The following MTO1 variants were observed in gnomAD, a reference collection of about 807,000 sequenced individuals.
The protein encoded by MTO1 is mitochondrial tRNA translation optimization 1, also known as 5-taurinomethyluridine-[tRNA] synthase subunit MTO1, mitochondrial.
Under a neutral mutation model 71.6 loss-of-function variants are expected in MTO1, and 46 were observed. The ratio of observed to expected loss-of-function variants is 0.64; its 90% CI spans 0.51 to 0.82. MTO1 has a LOEUF of 0.82. Ranked by LOEUF, MTO1 falls within the 40% of genes least tolerant of loss-of-function variation. The pLI, the probability that MTO1 is intolerant of heterozygous loss-of-function variation, is 0.00. For missense variants in MTO1, 773 were observed against 867.5 expected (o/e 0.89, Z 1.37); for synonymous variants, 297 against 312.1 (o/e 0.95, Z 0.51).
intron 10 of MTO1, among the ~76,000 whole-genome samples, chr6:73,494,537 C>T (rs1582699156): frequency 2.1e-5 from 3 of 145,172 alleles, no homozygotes; most frequent in Admixed American, 7.0e-5. Flanking sequence ...ATTCCAGTGG[C>T]GCAATTTTGG....
rs1389559289 is a variant in MTO1 at position 73,482,469 on chromosome 6, G to A, written c.1486G>A (p.Val496Met). ...CCTAGGGTATAAAGACGCTGGCTGTGTGTCCCAACAACGATATGAAAGAGC... is the reference window on the plus strand; with the variant it reads ...CCTAGGGTATAAAGACGCTGGCTGTATGTCCCAACAACGATATGAAAGAGC... ...TLRGYKDAGC[V>M]SQQRYERACW... Residue 496 changes from valine to methionine, a missense_variant, in exon 9 of 12, where the codon GTG becomes ATG. Transcript: ENST00000498286. 8 of 1,612,904 alleles carry A rather than the reference G, an allele frequency of 5.0e-6. No individual in the cohort carries two copies. Among genetic ancestry groups the A allele is most frequent in the Non-Finnish European group, 6.8e-6 (8 of 1,179,740 alleles).
rs1296341419 is a variant in MTO1, at chr6:73,506,103, C to G, written c.*5368C>G. 6.6e-6 allele frequency: 1 copy of G among 152,022 alleles called. No individual in the cohort carries two copies. Among genetic ancestry groups the G allele is most frequent in the East Asian group, 1.9e-4 (1 of 5,190 alleles). 9.4% of individuals were successfully genotyped at this position (152,022 alleles called of 1,614,324 possible). ...AAGTGATTCTCTTGCCTCAGCCTCCCGAGCAGCTGAGACTACAGGCGCGTG... is the reference window on the plus strand; with the variant it reads ...AAGTGATTCTCTTGCCTCAGCCTCCGGAGCAGCTGAGACTACAGGCGCGTG... On this transcript the variant is annotated 3_prime_UTR_variant, in exon 12 of 12. Coordinates refer to ENST00000498286, the MANE Select transcript of MTO1 (RefSeq NM_012123.4).
rs1486667220 is a variant in MTO1, at chr6:73,507,849, C to G, written c.*7114C>G. Reference sequence around the variant, plus strand: ...AAAATTAGCCGGGTGTGGTGGTGCGCGCCTGTAGTCCCAGCTACTCGGGAG... The same window carrying G: ...AAAATTAGCCGGGTGTGGTGGTGCGGGCCTGTAGTCCCAGCTACTCGGGAG... On this transcript the variant is annotated 3_prime_UTR_variant, in exon 12 of 12. Coordinates refer to ENST00000498286, the MANE Select transcript of MTO1 (RefSeq NM_012123.4). The G allele has an allele frequency of 2.6e-5, 4 of 152,024 alleles. No homozygotes were observed. Among genetic ancestry groups the G allele is most frequent in the Admixed American group, 6.6e-5 (1 of 15,244 alleles). 9.4% of individuals were successfully genotyped at this position (152,024 alleles called of 1,614,324 possible).
At chr6:73,485,976 C>G (rs1351755588) in intron 9 of MTO1, among the ~76,000 whole-genome samples, 1 of 152,090 alleles carries the variant, frequency 6.6e-6, no homozygotes, top group Non-Finnish European at 1.5e-5. Flanking sequence ...GTCAGGATTA[C>G]AGAGAAATGT....
chr6:73,488,633 G>C (rs549819470), intron 9 of MTO1, among the ~76,000 whole-genome samples: 2 of 152,056 alleles, frequency 1.3e-5, no homozygotes. Flanking sequence ...ATGTAGGCTG[G>C]GCATGGTAGC....
chr6:73,472,729 G>T (rs73450675), intron 3 of MTO1, among the ~76,000 whole-genome samples: 4 of 152,042 alleles, frequency 2.6e-5, no homozygotes, highest in South Asian at 4.1e-4. Flanking sequence ...CACACAAAAC[G>T]TGTAACTATG....
At chr6:73,467,350 C>G (rs1771028699) in intron 3 of MTO1, among the ~76,000 whole-genome samples, 1 of 151,620 alleles carries the variant, frequency 6.6e-6, no homozygotes, top group Admixed American at 6.6e-5. Context: ...TGTAGTGGCT[C>G]ACACCTGTAA....
intron 1 of MTO1, 88 bp downstream of exon 1, chr6:73,462,159 C>T: frequency 7.2e-7 from 1 of 1,394,838 alleles, no homozygotes; most frequent in Non-Finnish European, 1.0e-6. Flanking sequence ...GGACCTCTTC[C>T]TTTCCTCAAA....
At chr6:73,481,987 T>G in intron 7 of MTO1, 53 bp from the exon 8 acceptor site, 1 of 1,589,428 alleles carries the variant, frequency 6.3e-7, no homozygotes. Flanking sequence ...CTGAATGGGA[T>G]AGCCGTTTGT....
intron 9 of MTO1, among the ~76,000 whole-genome samples, chr6:73,488,652 G>C (rs1771725056): frequency 6.6e-6 from 1 of 151,772 alleles, no homozygotes; most frequent in African/African-American, 2.4e-5. Flanking sequence ...GCTTGTGCCT[G>C]TAATTTCAGC....
At position 73,500,624 on chromosome 6, in the gene MTO1, T is replaced by C. The variant is rs1772133225; in HGVS notation, c.1968T>C (p.Asn656=). The change falls in exon 12 of 12, where the codon AAT becomes AAC. Residue 656 remains asparagine, a synonymous_variant. Transcript: ENST00000498286. The part of the protein sequence containing the change: ...IPGVTPAAII[N]LLRFVKTTQR... ...GAGTAACACCTGCCGCCATCATCAA[T>C]CTGCTGAGATTTGTGAAGACCACTC... 1 of 1,614,110 alleles carries C rather than the reference T, an allele frequency of 6.2e-7. No individual in the cohort carries two copies. Among genetic ancestry groups the C allele is most frequent in the Non-Finnish European group, 8.5e-7 (1 of 1,179,992 alleles).
intron 9 of MTO1, among the ~76,000 whole-genome samples, chr6:73,484,069 A>G (rs1004298937): frequency 2.0e-5 from 3 of 152,016 alleles, no homozygotes; most frequent in Non-Finnish European, 4.4e-5. Flanking sequence ...ATGAGCCACC[A>G]TGCCTGGCCC....
At chr6:73,462,353 T>A in intron 1 of MTO1, 2 of 388,478 alleles carry the variant, frequency 5.1e-6, no homozygotes, top group Non-Finnish European at 4.6e-6. Flanking sequence ...AGCTACCAAC[T>A]ACTCGCTGGT....
chr6:73,467,135 A>G (rs1207406815), intron 3 of MTO1, among the ~76,000 whole-genome samples: 1 of 151,774 alleles, frequency 6.6e-6, no homozygotes, highest in Non-Finnish European at 1.5e-5. Context: ...GCAAGATGGC[A>G]AAACCTCATG....
At chr6:73,484,608 C>T (rs1771601493) in intron 9 of MTO1, among the ~76,000 whole-genome samples, 1 of 152,122 alleles carries the variant, frequency 6.6e-6, no homozygotes, top group Non-Finnish European at 1.5e-5. Context: ...CAGACTATAG[C>T]AGTGGATATA....
chr6:73,462,112 G>GGCT, intron 1 of MTO1, 41 bp downstream of exon 1: 1 of 1,596,948 alleles, frequency 6.3e-7, no homozygotes, highest in Non-Finnish European at 8.6e-7. Context: ...GTAGGACGCA[G>GGCT]GCTGCTTCCT....
In MTO1 at chr6:73,492,197, G is replaced by A. The variant is rs777218381; in HGVS notation, c.1638-37G>A. 2 of 1,311,058 alleles carry A rather than the reference G, an allele frequency of 1.5e-6. No individual in the cohort carries two copies. Among genetic ancestry groups the A allele is most frequent in the East Asian group, 2.3e-5 (1 of 43,368 alleles). The allele number at this position is 1,311,058 out of a possible 1,614,324, so 81.2% of individuals were successfully genotyped here. A position where few individuals can be genotyped will look rare whatever the true frequency, so the allele number is the denominator to read the frequency against. ...GTTCTTGATCTGCCTTATATGACAT[G>A]GATCCTTATGTTAATGAAACTTTCA... On this transcript the variant is annotated intron_variant, in intron 9 of 11. Coordinates refer to ENST00000498286, the MANE Select transcript of MTO1 (RefSeq NM_012123.4).
At chr6:73,464,835 CAA>C (rs70996805) in intron 1 of MTO1, among the ~76,000 whole-genome samples, 15 of 28,352 alleles carry the variant, frequency 5.3e-4, no homozygotes, top group African/African-American at 1.4e-3. Flanking sequence ...AACTCTGTCT[CAA>C]AAAAAAAAAA....
At chr6:73,463,110 G>A (rs1052763238) in intron 1 of MTO1, among the ~76,000 whole-genome samples, 17 of 149,770 alleles carry the variant, frequency 1.1e-4, no homozygotes, top group Non-Finnish European at 2.1e-4. Flanking sequence ...TGCAAGCTCC[G>A]CCTTCCGGGT....
Sources: gnomAD v4.1 joint callset for allele counts (sites outside exome capture counted in the v4.1 genomes callset) on GRCh38, gnomAD v4.1.1 for gene constraint, MANE v1.5 for transcripts, NCBI Gene and HGNC (gene_info 2026-07-23, HGNC 2026-07-21) for gene names.